The following THSD7B variants were observed in gnomAD, a reference collection of about 807,000 sequenced individuals.
THSD7B encodes the protein thrombospondin type 1 domain containing 7B, also known as thrombospondin type-1 domain-containing protein 7B.
In THSD7B, 138 loss-of-function variants were observed where a neutral mutation model predicts 213.6. The observed-to-expected ratio is 0.65, with a 90% confidence interval of 0.56 to 0.74. The LOEUF (loss-of-function observed/expected upper bound fraction) is 0.74, where lower values mean the gene tolerates loss of function less well. THSD7B is among the 30% of genes least tolerant of loss of function. The pLI is 0.00. For synonymous variants in THSD7B, 742 were observed against 687.0 expected, an observed-to-expected ratio of 1.08 and a Z score of -1.25; for missense variants, 1,931 against 1,991.5, an observed-to-expected ratio of 0.97 and a Z score of 0.58.
chr2:137,658,883 C>G lies in THSD7B; in HGVS notation c.4376-781C>G, dbSNP rs201475355. 3.0e-4 allele frequency among the ~76,000 whole-genome samples: 46 copies of G among 152,270 alleles called. No individual in the cohort carries two copies. The East Asian group carries it at 8.7e-3, about 29-fold the overall frequency. On this transcript the variant is annotated intron_variant, in intron 24 of 27. Transcript: ENST00000409968. ...ATTGTACTTATCCAAACGCTAGAAC[C>G]TTTCAATGCAACCAGTACTATATAA...
chr2:137,574,480 A>G (rs576230250), intron 17 of THSD7B, among the ~76,000 whole-genome samples: 3 of 152,210 alleles, frequency 2.0e-5, no homozygotes, highest in African/African-American at 7.2e-5. Context: ...GACAATGACA[A>G]TACAGACTTT....
At chr2:137,082,651 T>C (rs1364415690) in intron 3 of THSD7B, among the ~76,000 whole-genome samples, 1 of 152,102 alleles carries the variant, frequency 6.6e-6, no homozygotes, top group Non-Finnish European at 1.5e-5. Context: ...GGGTTTCCAT[T>C]TTCATCTCTA....
intron 12 of THSD7B, among the ~76,000 whole-genome samples, chr2:137,316,140 G>A (rs1340791862): frequency 1.3e-5 from 2 of 152,208 alleles, no homozygotes; most frequent in Admixed American, 1.3e-4. Flanking sequence ...TTATAGCGAA[G>A]TGGTATATAT....
At chr2:137,068,485 C>A (rs13000951) in intron 3 of THSD7B, among the ~76,000 whole-genome samples, 14,756 of 152,022 alleles carry the variant, frequency 0.097, 992 homozygotes, top group African/African-American at 0.19. Context: ...TTACGTGATC[C>A]CATAGTTGAC....
chr2:136,931,006 CT>C (rs1228463874), intron 2 of THSD7B, among the ~76,000 whole-genome samples: 6 of 152,188 alleles, frequency 3.9e-5, no homozygotes, highest in Non-Finnish European at 8.8e-5. Flanking sequence ...TTTCCCAGAA[CT>C]TTTTTTCCTG....
chr2:137,257,895 A>T (rs1395001423), intron 10 of THSD7B, among the ~76,000 whole-genome samples: 1 of 152,122 alleles, frequency 6.6e-6, no homozygotes, highest in Admixed American at 6.6e-5. Flanking sequence ...AAGTCTCTCA[A>T]CCACTTACTG....
intron 12 of THSD7B, among the ~76,000 whole-genome samples, chr2:137,377,171 G>T (rs999027304): frequency 5.3e-5 from 8 of 151,830 alleles, no homozygotes; most frequent in African/African-American, 1.9e-4. Flanking sequence ...AGCCCTCTTA[G>T]GGAAAAAATT....
At chr2:137,630,954 C>T (rs965435970) in intron 20 of THSD7B, among the ~76,000 whole-genome samples, 34 of 152,156 alleles carry the variant, frequency 2.2e-4, no homozygotes, top group Non-Finnish European at 4.6e-4. Flanking sequence ...TTGGGCAAAA[C>T]CTGGTGTGCT....
At chr2:136,909,010 A>T (rs577180415) in intron 2 of THSD7B, among the ~76,000 whole-genome samples, 1 of 151,964 alleles carries the variant, frequency 6.6e-6, no homozygotes, top group African/African-American at 2.4e-5. Flanking sequence ...GCAAGACCCA[A>T]TCTCTACTAA....
intron 7 of THSD7B, among the ~76,000 whole-genome samples, chr2:137,211,264 A>G (rs959961944): frequency 2.3e-5 from 3 of 131,186 alleles, no homozygotes; most frequent in East Asian, 2.0e-4. Context: ...ACATTGAACA[A>G]TGGGGCATAG....
intron 10 of THSD7B, among the ~76,000 whole-genome samples, chr2:137,255,369 A>T (rs1682282598): frequency 6.6e-6 from 1 of 152,178 alleles, no homozygotes; most frequent in Admixed American, 6.5e-5. Flanking sequence ...GAGAGAGCAT[A>T]TCATAACAAG....
At chr2:137,542,814 G>A (rs988775074) in intron 15 of THSD7B, among the ~76,000 whole-genome samples, 18 of 151,694 alleles carry the variant, frequency 1.2e-4, no homozygotes, top group African/African-American at 4.4e-4. Context: ...ACTAACATAA[G>A]GATAAACCTG....
chr2:137,393,071 A>G (rs991148526), intron 12 of THSD7B, among the ~76,000 whole-genome samples: 1 of 151,938 alleles, frequency 6.6e-6, no homozygotes, highest in African/African-American at 2.4e-5. Flanking sequence ...TATTTGGGAA[A>G]GACTTTATTT....
chr2:137,126,593 T>A (rs1020590830), intron 5 of THSD7B, among the ~76,000 whole-genome samples: 1 of 152,170 alleles, frequency 6.6e-6, no homozygotes, highest in Non-Finnish European at 1.5e-5. Flanking sequence ...TCAAACTTTC[T>A]TTATATCAAC....
chr2:137,048,050 C>T (rs1218941427), intron 2 of THSD7B, among the ~76,000 whole-genome samples: 2 of 152,000 alleles, frequency 1.3e-5, no homozygotes, highest in African/African-American at 4.8e-5. Flanking sequence ...TAATGCTATC[C>T]CTCCCCTTGC....
chr2:136,853,073 T>C lies in THSD7B; in HGVS notation c.-35-29071T>C, dbSNP rs118172583. Among the ~76,000 whole-genome samples the C allele has an allele frequency of 3.1e-3, 476 of 152,036 alleles. 4 individuals are homozygous for C. In the East Asian group the frequency reaches 0.046, roughly 15 times the overall value. On this transcript the variant is annotated intron_variant, in intron 1 of 27. Transcript: ENST00000409968. ...GTGCATGTGCATGTGTGTGTATGTG[T>C]TCATGTGCGTGTGTTTGTGAATACT... is the stretch of plus-strand genomic sequence containing the variant.
At chr2:136,846,597 C>A (rs2104959914) in intron 1 of THSD7B, among the ~76,000 whole-genome samples, 1 of 152,248 alleles carries the variant, frequency 6.6e-6, no homozygotes, top group East Asian at 1.9e-4. Flanking sequence ...TCCATTTTAA[C>A]CTTACTTAGT....
intron 16 of THSD7B, among the ~76,000 whole-genome samples, 185 bp from the exon 17 acceptor site, chr2:137,572,221 T>C (rs1681368535): frequency 6.6e-6 from 1 of 152,214 alleles, no homozygotes; most frequent in Non-Finnish European, 1.5e-5. Context: ...AATAAATGGT[T>C]CTGTACTGAG....
intron 20 of THSD7B, among the ~76,000 whole-genome samples, chr2:137,637,885 GCC>G (rs1177161461): frequency 2.6e-5 from 4 of 152,160 alleles, no homozygotes; most frequent in African/African-American, 9.7e-5. Flanking sequence ...GGATGGAACA[GCC>G]TGCAATTATA....
Sources: allele counts gnomAD v4.1 joint callset (sites outside exome capture counted in the v4.1 genomes callset), GRCh38; gene constraint gnomAD v4.1.1; transcripts MANE v1.5; gene names NCBI Gene and HGNC (gene_info 2026-07-23, HGNC 2026-07-21).